Variants in CCDC68 observed in about 807,000 individuals in gnomAD.
The protein encoded by CCDC68 is coiled-coil domain containing 68, also known as coiled-coil domain-containing protein 68.
CCDC68 carries 45 observed loss-of-function variants against 47.1 expected under a neutral mutation model. The ratio of observed to expected loss-of-function variants is 0.96; its 90% CI spans 0.75 to 1.23. The LOEUF (loss-of-function observed/expected upper bound fraction) is 1.23, where lower values mean the gene tolerates loss of function less well. Among genes scored for constraint, CCDC68 ranks in the 50% most tolerant of loss-of-function variants. The pLI is 0.00. For synonymous variants in CCDC68, 131 were observed against 129.5 expected (o/e 1.01, Z -0.08); for missense variants, 353 against 373.6 (o/e 0.94, Z 0.45).
chr18:54,917,284 T>C (rs1444790677), intron 10 of CCDC68, among the ~76,000 whole-genome samples: 1 of 151,934 alleles, frequency 6.6e-6, no homozygotes, highest in Non-Finnish European at 1.5e-5. Flanking sequence ...TGGATGTGAA[T>C]GAAGAAAGGA....
chr18:54,932,986 T>C (rs571514155), intron 7 of CCDC68, among the ~76,000 whole-genome samples: 1 of 152,262 alleles, frequency 6.6e-6, no homozygotes, highest in South Asian at 2.1e-4. Context: ...AATATTTGTT[T>C]AGTAAACAGT....
chr18:54,923,457 T>C lies in CCDC68; in HGVS notation c.684-4081A>G, dbSNP rs535243080. Among the ~76,000 whole-genome samples the C allele has an allele frequency of 1.0e-4, 15 of 148,954 alleles. No homozygotes were observed. In the South Asian group the frequency reaches 3.2e-3, roughly 32 times the overall value. On this transcript the variant is annotated intron_variant, in intron 8 of 11. Transcript: ENST00000591504. ...ACTGTAAGTAAAAAAAAAAAAAAAA[T>C]TGAAATTGGCCTCAAAATAGAAGAA...
chr18:54,910,538 G>A (rs1054275762), intron 10 of CCDC68, among the ~76,000 whole-genome samples: 1 of 152,196 alleles, frequency 6.6e-6, no homozygotes, highest in Non-Finnish European at 1.5e-5. Flanking sequence ...CTGGCAGCCC[G>A]GCCCCCAGCA....
intron 1 of CCDC68, among the ~76,000 whole-genome samples, chr18:54,950,155 T>C (rs2044589747): frequency 6.6e-6 from 1 of 152,218 alleles, no homozygotes. Context: ...AGAGCCCTGC[T>C]TGGTTTTAGC....
chr18:54,917,993 C>T lies in CCDC68; in HGVS notation c.793G>A (p.Glu265Lys), dbSNP rs925891927. The change falls in exon 10 of 12, where the codon GAA becomes AAA. Residue 265 changes from glutamate to lysine, a missense_variant. Coordinates refer to ENST00000591504, the MANE Select transcript of CCDC68 (RefSeq NM_025214.3). ...TCTTTTAAATTATTTTTTAATCCTT[C>T]CATCTAAGAATTAGAAAACACAATA... ...QNLRSVIQEM[E>K]GLKNNLKEQD... The T allele has an allele frequency of 3.6e-6, 5 of 1,378,766 alleles. No homozygotes were observed. In the African/African-American group the frequency reaches 5.7e-5, roughly 16 times the overall value. 85.4% of individuals were successfully genotyped at this position (1,378,766 alleles called of 1,614,324 possible).
At chr18:54,940,230 T>G (rs1177058979) in intron 4 of CCDC68, among the ~76,000 whole-genome samples, 1 of 152,182 alleles carries the variant, frequency 6.6e-6, no homozygotes, top group Non-Finnish European at 1.5e-5. Flanking sequence ...TACCCGCAGC[T>G]CCAGAATCAG....
intron 4 of CCDC68, among the ~76,000 whole-genome samples, chr18:54,938,929 G>A (rs1280259640): frequency 6.6e-6 from 1 of 152,162 alleles, no homozygotes; most frequent in Non-Finnish European, 1.5e-5. Flanking sequence ...TTTATGTACA[G>A]TCCTTTGTCT....
chr18:54,919,087 A>C (rs536798431), intron 9 of CCDC68, among the ~76,000 whole-genome samples, 184 bp downstream of exon 9: 1 of 152,328 alleles, frequency 6.6e-6, no homozygotes, highest in South Asian at 2.1e-4. Flanking sequence ...AGAGCATTAC[A>C]GGTGTTTTTG....
intron 4 of CCDC68, among the ~76,000 whole-genome samples, chr18:54,939,173 G>A (rs4801112): frequency 0.38 from 58,274 of 151,920 alleles, 11,388 homozygotes; most frequent in East Asian, 0.59. Context: ...CTCCCTCACC[G>A]TAACTCTGTC....
chr18:54,938,888 C>T (rs149120444), intron 4 of CCDC68, among the ~76,000 whole-genome samples: 1 of 152,350 alleles, frequency 6.6e-6, no homozygotes, highest in Non-Finnish European at 1.5e-5. Flanking sequence ...TTGTTAAACA[C>T]CTGTTATATG....
At chr18:54,905,890 G>C (rs1298625226) in intron 11 of CCDC68, among the ~76,000 whole-genome samples, 1 of 152,158 alleles carries the variant, frequency 6.6e-6, no homozygotes, top group East Asian at 1.9e-4. Flanking sequence ...AATGGCATTA[G>C]AGTCTCATAG....
intron 8 of CCDC68, 103 bp downstream of exon 8, chr18:54,928,697 C>A: frequency 1.4e-6 from 1 of 720,532 alleles, no homozygotes. Flanking sequence ...GTCAGTCATC[C>A]TATTTCTTTG....
At chr18:54,910,061 G>A (rs1340645256) in intron 10 of CCDC68, among the ~76,000 whole-genome samples, 2 of 152,246 alleles carry the variant, frequency 1.3e-5, no homozygotes, top group African/African-American at 2.4e-5. Flanking sequence ...CCAAGACAAA[G>A]AGGAGCTTTA....
Position 54,907,956 on chromosome 18 carries a change from G to A in CCDC68, c.874-94C>T, listed in dbSNP as rs553249313. The A allele has an allele frequency of 7.7e-5, 57 of 738,244 alleles. 2 individuals carry two copies. Among genetic ancestry groups the A allele is most frequent in the South Asian group, 3.5e-4 (23 of 64,966 alleles). 45.7% of individuals were successfully genotyped at this position (738,244 alleles called of 1,614,324 possible). The stretch of plus-strand genomic sequence containing the variant: ...ATTCAACCCAACACCTGCCTCACTC[G>A]TTGGCAGCAAGTTTGTTATTGCAGT... On this transcript the variant is annotated intron_variant, in intron 10 of 11. Transcript: ENST00000591504.
At chr18:54,954,925 A>G (rs1475778067) in intron 1 of CCDC68, among the ~76,000 whole-genome samples, 1 of 152,234 alleles carries the variant, frequency 6.6e-6, no homozygotes, top group African/African-American at 2.4e-5. Flanking sequence ...GTTGCAAATG[A>G]AGACATTCAG....
At chr18:54,957,527 G>T (rs185970396) in intron 1 of CCDC68, among the ~76,000 whole-genome samples, 157 of 152,164 alleles carry the variant, frequency 1.0e-3, no homozygotes, top group African/African-American at 3.6e-3. Context: ...ACAGAACACA[G>T]TGTCCTCAAT....
intron 3 of CCDC68, among the ~76,000 whole-genome samples, chr18:54,942,239 G>A (rs1238052886): frequency 1.3e-5 from 2 of 152,292 alleles, no homozygotes; most frequent in Middle Eastern, 3.4e-3. Context: ...CACAGTCACT[G>A]GCAATAGTTA....
chr18:54,936,729 C>T, intron 6 of CCDC68, 104 bp downstream of exon 6: 1 of 1,393,650 alleles, frequency 7.2e-7, no homozygotes, highest in Non-Finnish European at 1.0e-6. Context: ...TTTGCCAAGT[C>T]ACTTGGCCAT....
chr18:54,918,114 T>A (rs1170629409), intron 9 of CCDC68, 118 bp from the exon 10 acceptor site: 7 of 582,406 alleles, frequency 1.2e-5, no homozygotes, highest in Admixed American at 3.4e-5. Context: ...AAAAAAAAAA[T>A]TAAATCCCAA....
Sources: gnomAD v4.1 joint callset for allele counts (sites outside exome capture counted in the v4.1 genomes callset) on GRCh38, gnomAD v4.1.1 for gene constraint, MANE v1.5 for transcripts, NCBI Gene and HGNC (gene_info 2026-07-23, HGNC 2026-07-21) for gene names.